ZGRF1: variants seen among roughly 807,000 people sequenced by gnomAD.
ZGRF1 encodes zinc finger GRF-type containing 1.
A neutral mutation model predicts 203.5 loss-of-function variants in ZGRF1; 196 were observed. The ratio of observed to expected loss-of-function variants is 0.96; its 90% CI spans 0.86 to 1.08. The LOEUF is 1.08. Among genes scored for constraint, ZGRF1 ranks in the 50% least tolerant of loss-of-function variants. The pLI, the probability that ZGRF1 is intolerant of heterozygous loss-of-function variation, is 0.00. For synonymous variants in ZGRF1, 809 were observed against 841.3 expected (o/e 0.96, Z 0.66); for missense variants, 2,326 against 2,416.3 (o/e 0.96, Z 0.78).
Position 112,571,537 on chromosome 4 carries a change from A to G in ZGRF1, c.4439-8263T>C, listed in dbSNP as rs116848258. Among the ~76,000 whole-genome samples, 1,086 of 146,646 alleles carry G rather than the reference A, an allele frequency of 7.4e-3. 33 individuals are homozygous for G. The East Asian group carries it at 0.098, about 13-fold the overall frequency. On this transcript the variant is annotated intron_variant, in intron 16 of 27. Transcript: ENST00000505019. ...AAATAAACAGAGATACAGCAAGTAC[A>G]TGGTATTAAATCTTAATTTTTTTTT...
At chr4:112,586,644 T>G (rs1747243352) in intron 12 of ZGRF1, 61 bp from the exon 13 acceptor site, 2 of 1,226,524 alleles carry the variant, frequency 1.6e-6, no homozygotes, top group Admixed American at 5.4e-5. Flanking sequence ...TACTAAAGAG[T>G]AAATTATTTT....
chr4:112,562,614 AACAC>A, intron 17 of ZGRF1, 129 bp from the exon 18 acceptor site: 2 of 612,110 alleles, frequency 3.3e-6, no homozygotes. Context: ...CAAACCCTTA[AACAC>A]ACACAGAGAT....
chr4:112,612,812 G>A (rs2046733965), intron 6 of ZGRF1, among the ~76,000 whole-genome samples: 1 of 152,080 alleles, frequency 6.6e-6, no homozygotes, highest in Non-Finnish European at 1.5e-5. Flanking sequence ...TAGAATGAAA[G>A]CCTTTTTGTT....
intron 16 of ZGRF1, among the ~76,000 whole-genome samples, chr4:112,572,334 T>A (rs764939130): frequency 1.3e-4 from 20 of 152,112 alleles, no homozygotes; most frequent in Non-Finnish European, 2.4e-4. Flanking sequence ...GGTGCTGGGA[T>A]AACTAGCAAG....
At chr4:112,561,511 T>C (rs1741973806) in intron 18 of ZGRF1, 1 of 152,798 alleles carries the variant, frequency 6.5e-6, no homozygotes, top group South Asian at 2.1e-4. Flanking sequence ...CAAAGGATAT[T>C]TATTTTTTTA....
intron 16 of ZGRF1, among the ~76,000 whole-genome samples, chr4:112,576,940 A>G (rs1347494077): frequency 6.6e-6 from 1 of 151,714 alleles, no homozygotes; most frequent in East Asian, 2.0e-4. Flanking sequence ...CCACAAACAT[A>G]CTCCTCAAGA....
Position 112,617,824 on chromosome 4 carries a change from G to T in ZGRF1, c.2218C>A (p.Leu740Ile). Residue 740 changes from leucine to isoleucine, a missense_variant, in exon 6 of 28, where the codon CTA becomes ATA. By Grantham distance (5) the Leu-to-Ile change is conservative. Coordinates refer to ENST00000505019, the MANE Select transcript of ZGRF1 (RefSeq NM_018392.5). ...STSSSDNSVQLLNTNQNHYEC... is the reference protein window; with the variant it reads ...STSSSDNSVQILNTNQNHYEC... Reference sequence around the variant, plus strand: ...TAGTGATTCTGATTGGTATTTAATAGTTGGACACTGTTGTCACTACTAGAA... The same window carrying T: ...TAGTGATTCTGATTGGTATTTAATATTTGGACACTGTTGTCACTACTAGAA... The T allele has an allele frequency of 6.2e-7, 1 of 1,614,024 alleles. No homozygotes were observed.
At chr4:112,572,961 T>C (rs535638794) in intron 16 of ZGRF1, among the ~76,000 whole-genome samples, 1 of 152,290 alleles carries the variant, frequency 6.6e-6, no homozygotes, top group African/African-American at 2.4e-5. Flanking sequence ...TGTAATCTAG[T>C]ACAACCAGTG....
intron 16 of ZGRF1, chr4:112,564,998 CA>C: frequency 1.1e-6 from 1 of 913,466 alleles, no homozygotes; most frequent in South Asian, 1.3e-5. Context: ...ATGGCTCGTA[CA>C]AGGCAGACTG....
chr4:112,587,188 G>T (rs867488234), intron 12 of ZGRF1, 92 bp downstream of exon 12: 1 of 1,178,032 alleles, frequency 8.5e-7, no homozygotes, highest in Non-Finnish European at 1.2e-6. Context: ...TGTCCAAATT[G>T]CTCCTATGCA....
chr4:112,620,758 G>A (rs1460892462), intron 4 of ZGRF1, among the ~76,000 whole-genome samples: 2 of 151,404 alleles, frequency 1.3e-5, no homozygotes, highest in Non-Finnish European at 2.9e-5. Context: ...AGCTATTTGG[G>A]GGGAATGAGG....
chr4:112,595,134 T>C (rs558448754), intron 10 of ZGRF1, among the ~76,000 whole-genome samples: 1 of 152,028 alleles, frequency 6.6e-6, no homozygotes, highest in Non-Finnish European at 1.5e-5. Flanking sequence ...GTCTTTGAAA[T>C]AGGGAAACAC....
chr4:112,620,751 T>A lies in ZGRF1; in HGVS notation c.163-561A>T, dbSNP rs2047035932. ...GGTGGCATGCACCTATAGTCCCAGC[T>A]ATTTGGGGGGAATGAGGTGGGAGGA... On this transcript the variant is annotated intron_variant, in intron 4 of 27. Transcript: ENST00000505019. Among the ~76,000 whole-genome samples the A allele has an allele frequency of 2.0e-5, 3 of 151,848 alleles. No homozygotes were observed. In the South Asian group the frequency reaches 6.2e-4, roughly 32 times the overall value.
At chr4:112,632,039 T>A (rs373643812) in intron 2 of ZGRF1, 29 bp from the exon 3 acceptor site, 8 of 1,122,686 alleles carry the variant, frequency 7.1e-6, no homozygotes, top group Non-Finnish European at 7.6e-6. Context: ...AAAGAAATGG[T>A]TTCCATTTAT....
intron 6 of ZGRF1, among the ~76,000 whole-genome samples, chr4:112,616,480 G>A (rs1270930539): frequency 6.1e-5 from 9 of 146,554 alleles, no homozygotes; most frequent in South Asian, 2.2e-4. Flanking sequence ...AGCCGAGATC[G>A]CACCACTGCA....
chr4:112,544,866 G>A (rs1043915216), intron 24 of ZGRF1, among the ~76,000 whole-genome samples: 1 of 152,106 alleles, frequency 6.6e-6, no homozygotes, highest in African/African-American at 2.4e-5. Context: ...TTTGATGAGG[G>A]TTCCAAGACA....
At chr4:112,611,405 A>C (rs1292191721) in intron 7 of ZGRF1, among the ~76,000 whole-genome samples, 1 of 152,200 alleles carries the variant, frequency 6.6e-6, no homozygotes, top group Non-Finnish European at 1.5e-5. Flanking sequence ...TCCATCTCAA[A>C]ATAAATAAAA....
intron 16 of ZGRF1, among the ~76,000 whole-genome samples, chr4:112,566,142 A>G (rs1459723869): frequency 2.0e-5 from 3 of 152,014 alleles, no homozygotes; most frequent in East Asian, 1.9e-4. Context: ...GTGGCACACC[A>G]TGGAATACTA....
chr4:112,603,604 G>A lies in ZGRF1; in HGVS notation c.2896C>T (p.Pro966Ser). The change falls in exon 10 of 28, where the codon CCA becomes TCA. Residue 966 changes from proline to serine, a missense_variant. Transcript: ENST00000505019. ...AAGTTTTCATACTCAGTGCTATCTG[G>A]AAACTGACTGCATCCTAGCTGTGAG... The part of the protein sequence containing the change: ...HSSQLGCSQF[P>S]DSTEYENFMT... 6.2e-7 allele frequency: 1 copy of A among 1,613,644 alleles called. No individual in the cohort carries two copies.
Sources: allele counts gnomAD v4.1 joint callset (sites outside exome capture counted in the v4.1 genomes callset), GRCh38; gene constraint gnomAD v4.1.1; transcripts MANE v1.5; gene names NCBI Gene and HGNC (gene_info 2026-07-23, HGNC 2026-07-21).